Variants in TMED10 observed in about 807,000 individuals in gnomAD.
TMED10 encodes transmembrane emp24 domain-containing protein 10.
TMED10 carries 7 observed loss-of-function variants against 23.1 expected under a neutral mutation model. That is an observed-to-expected ratio of 0.30 (90% CI 0.17 to 0.57). The LOEUF (loss-of-function observed/expected upper bound fraction) is 0.57, where lower values mean the gene tolerates loss of function less well. Among genes scored for constraint, TMED10 ranks in the 20% least tolerant of loss-of-function variants. The pLI, the probability that TMED10 is intolerant of heterozygous loss-of-function variation, is 0.91. For synonymous variants in TMED10, 113 were observed against 106.9 expected (o/e 1.06, Z -0.35); for missense variants, 162 against 274.8 (o/e 0.59, Z 2.90).
chr14:75,139,993 C>T (rs919976151), intron 3 of TMED10, among the ~76,000 whole-genome samples: 21 of 152,082 alleles, frequency 1.4e-4, no homozygotes, highest in African/African-American at 4.3e-4. Context: ...CAAAATCTGA[C>T]GGACTTAACA....
chr14:75,173,408 G>C (rs181214859), intron 1 of TMED10, among the ~76,000 whole-genome samples: 2 of 151,762 alleles, frequency 1.3e-5, no homozygotes, highest in East Asian at 3.9e-4. Context: ...AAGAGGGGAG[G>C]GGAGGGGAAG....
At position 75,135,752 on chromosome 14, in the gene TMED10, C is replaced by T; in HGVS notation, c.538+8G>A. The T allele has an allele frequency of 6.2e-7, 1 of 1,612,266 alleles. No individual in the cohort carries two copies. Among genetic ancestry groups the T allele is most frequent in the Non-Finnish European group, 8.5e-7 (1 of 1,179,566 alleles). On this transcript the variant is annotated splice_region_variant and intron_variant, in intron 4 of 4. Transcript: ENST00000303575. The stretch of plus-strand genomic sequence containing the variant: ...CACTTAAGAAGTAAGAGTCGCCTTC[C>T]CCCTCACCGTTGGTATCACGCATCT...
chr14:75,133,656 T>C lies in TMED10; in HGVS notation c.*1229A>G, dbSNP rs1392807631. On this transcript the variant is annotated 3_prime_UTR_variant, in exon 5 of 5. Coordinates refer to ENST00000303575, the MANE Select transcript of TMED10 (RefSeq NM_006827.6). ...ACCCAACAGTTGCCCTTTTGAGCAT[T>C]TATCCCAGAAAATGAAAATGTATGT... is the stretch of plus-strand genomic sequence containing the variant. 4 of 155,958 alleles carry C rather than the reference T, an allele frequency of 2.6e-5. No homozygotes were observed. The Admixed American group carries it at 2.6e-4, about 10-fold the overall frequency. 9.7% of individuals were successfully genotyped at this position (155,958 alleles called of 1,614,324 possible).
At chr14:75,140,679 G>A (rs992757383) in intron 3 of TMED10, among the ~76,000 whole-genome samples, 1 of 152,312 alleles carries the variant, frequency 6.6e-6, no homozygotes, top group African/African-American at 2.4e-5. Context: ...CTGCACTCCA[G>A]CCTGGGCTGG....
intron 1 of TMED10, among the ~76,000 whole-genome samples, chr14:75,167,018 T>C (rs1309799145): frequency 2.0e-5 from 3 of 149,682 alleles, no homozygotes; most frequent in African/African-American, 7.4e-5. Context: ...CTCGGCTCAC[T>C]GCAACCTCCA....
In TMED10 at chr14:75,176,404, T is replaced by A; in HGVS notation, c.176A>T (p.Glu59Val). The A allele has an allele frequency of 6.2e-7, 1 of 1,614,144 alleles. No homozygotes were observed. Among genetic ancestry groups the A allele is most frequent in the South Asian group, 1.1e-5 (1 of 91,086 alleles). ...HKDLLVTGAYEISDQSGGAGG... is the reference protein window; with the variant it reads ...HKDLLVTGAYVISDQSGGAGG... ...AGCGCCCCCAGACTGGTCGGAGATC[T>A]CGTACGCGCCAGTCACTAGCAGGTC... Residue 59 changes from glutamate (E) to valine (V), a missense_variant, in exon 1 of 5, where the codon GAG (glutamate) becomes GTG (valine). Physicochemically the swap from Glu to Val is moderately radical, Grantham distance 121. Coordinates refer to ENST00000303575, the MANE Select transcript of TMED10 (RefSeq NM_006827.6).
intron 1 of TMED10, among the ~76,000 whole-genome samples, chr14:75,174,002 G>T (rs1896268960): frequency 6.6e-6 from 1 of 152,106 alleles, no homozygotes; most frequent in Non-Finnish European, 1.5e-5. Context: ...AAGAGTTAGG[G>T]TTACAGGCAT....
Position 75,176,514 on chromosome 14 carries a change from GAACAAAAGCAGC to G in TMED10, c.54_65del (p.Leu18_Leu21del). 1.2e-6 allele frequency: 2 copies of G among 1,614,192 alleles called. No individual in the cohort carries two copies. Among genetic ancestry groups the G allele is most frequent in the Non-Finnish European group, 1.7e-6 (2 of 1,180,034 alleles). ...CAAGGACCAATCTGGGGCCGAGCAG[GAACAAAAGCAGC>G]AACGCTAACGGAAAAGGGCCGCGCC... On this transcript the variant is annotated inframe_deletion, in exon 1 of 5. Coordinates refer to ENST00000303575, the MANE Select transcript of TMED10 (RefSeq NM_006827.6).
chr14:75,165,611 T>A (rs1896151076), intron 1 of TMED10, among the ~76,000 whole-genome samples: 7 of 152,204 alleles, frequency 4.6e-5, no homozygotes, highest in Admixed American at 3.3e-4. Flanking sequence ...TTAATGGGCA[T>A]AAAATGAATT....
At chr14:75,150,494 GAGGACAGACTGCATATATGA>G (rs1456754720) in intron 2 of TMED10, among the ~76,000 whole-genome samples, 1 of 152,176 alleles carries the variant, frequency 6.6e-6, no homozygotes, top group East Asian at 1.9e-4. Context: ...CAGTTCAGTC[GAGGACAGACTGCATATATGA>G]AGGTGGTCCC....
intron 3 of TMED10, among the ~76,000 whole-genome samples, chr14:75,147,227 C>T (rs940421206): frequency 1.4e-5 from 2 of 140,848 alleles, no homozygotes; most frequent in East Asian, 2.0e-4. Flanking sequence ...CTTGCCCTGT[C>T]GCCCAGGCTG....
rs1285374634 is a variant in TMED10 at position 75,134,042 on chromosome 14, G to C, written c.*843C>G. On this transcript the variant is annotated 3_prime_UTR_variant, in exon 5 of 5. Coordinates refer to ENST00000303575, the MANE Select transcript of TMED10 (RefSeq NM_006827.6). ...TCCATTCATACAACATTCTTGAAAT[G>C]ACAAAATTACAGAGATGGAGGACAG... 1 of 197,418 alleles carries C rather than the reference G, an allele frequency of 5.1e-6. No homozygotes were observed. Among genetic ancestry groups the C allele is most frequent in the East Asian group, 1.8e-4 (1 of 5,640 alleles). The allele number at this position is 197,418 out of a possible 1,614,324, so 12.2% of individuals were successfully genotyped here. A position where few individuals can be genotyped will look rare whatever the true frequency, so the allele number is the denominator to read the frequency against.
intron 1 of TMED10, among the ~76,000 whole-genome samples, chr14:75,162,228 G>A (rs144933766): frequency 2.1e-4 from 32 of 152,240 alleles, no homozygotes; most frequent in African/African-American, 5.3e-4. Context: ...TTATGCCACT[G>A]CACTCCAGCC....
rs1347371114 is a variant in TMED10 at position 75,132,889 on chromosome 14, C to T, written c.*1996G>A. 4 of 152,458 alleles carry T rather than the reference C, an allele frequency of 2.6e-5. No individual in the cohort carries two copies. The highest frequency in any genetic ancestry group is 4.8e-5 in the African/African-American group (2 of 41,436). The allele number at this position is 152,458 out of a possible 1,614,324, so 9.4% of individuals were successfully genotyped here. ...AAAGAGATTACGGAAAGGATAAACT[C>T]CTACCTACTTTCTTGGGAGATGTGG... On this transcript the variant is annotated 3_prime_UTR_variant, in exon 5 of 5. Transcript: ENST00000303575.
intron 1 of TMED10, among the ~76,000 whole-genome samples, chr14:75,169,683 A>G (rs1896206993): frequency 6.6e-6 from 1 of 152,180 alleles, no homozygotes; most frequent in Admixed American, 6.5e-5. Flanking sequence ...CTCATTCAGC[A>G]CAACCACCAA....
intron 1 of TMED10, among the ~76,000 whole-genome samples, chr14:75,173,330 A>T (rs1420090904): frequency 6.7e-6 from 1 of 149,246 alleles, no homozygotes; most frequent in Non-Finnish European, 1.5e-5. Flanking sequence ...TCAAGGCTGC[A>T]GTGAGCTGTG....
intron 1 of TMED10, among the ~76,000 whole-genome samples, chr14:75,164,772 T>C (rs898152180): frequency 1.4e-5 from 2 of 147,066 alleles, no homozygotes; most frequent in African/African-American, 5.1e-5. Context: ...GCAAACTAGA[T>C]AAATTGTGCT....
chr14:75,147,189 T>TTTTTTTGTTTTTTG (rs1185496706), intron 3 of TMED10, among the ~76,000 whole-genome samples: 1 of 45,702 alleles, frequency 2.2e-5, no homozygotes, highest in African/African-American at 5.1e-5. Flanking sequence ...AAGGCTGTTT[T>TTTTTTTGTTTTTTG]TTTTTTTTTT....
intron 1 of TMED10, among the ~76,000 whole-genome samples, chr14:75,152,817 G>A (rs1895970974): frequency 6.6e-6 from 1 of 151,804 alleles, no homozygotes. Flanking sequence ...AGGATCACTT[G>A]AGCTCAAGAG....
Sources: allele counts gnomAD v4.1 joint callset (sites outside exome capture counted in the v4.1 genomes callset), GRCh38; gene constraint gnomAD v4.1.1; transcripts MANE v1.5; gene names NCBI Gene and HGNC (gene_info 2026-07-23, HGNC 2026-07-21).